EHHADH: variants seen among roughly 807,000 people sequenced by gnomAD.
EHHADH encodes peroxisomal bifunctional enzyme.
EHHADH carries 48 observed loss-of-function variants against 64.4 expected under a neutral mutation model. The ratio of observed to expected loss-of-function variants is 0.75; its 90% CI spans 0.59 to 0.95. The LOEUF is 0.95. EHHADH is among the 40% of genes least tolerant of loss of function. EHHADH has a pLI of 0.00. For synonymous variants in EHHADH, 308 were observed against 326.7 expected (o/e 0.94, Z 0.62); for missense variants, 854 against 876.6 (o/e 0.97, Z 0.33).
At chr3:185,217,018 G>A (rs1577362941) in intron 5 of EHHADH, among the ~76,000 whole-genome samples, 1 of 54,452 alleles carries the variant, frequency 1.8e-5, no homozygotes, top group Admixed American at 1.8e-4. Context: ...CTCAGTTTGC[G>A]GAGACAGAAG....
In EHHADH at chr3:185,235,309, T is replaced by C; in HGVS notation, c.332A>G (p.Tyr111Cys). 6.2e-7 allele frequency: 1 copy of C among 1,613,178 alleles called. No individual in the cohort carries two copies. Among genetic ancestry groups the C allele is most frequent in the East Asian group, 2.2e-5 (1 of 44,834 alleles). The change falls in exon 3 of 7, where the codon TAT (tyrosine) becomes TGT (cysteine). Residue 111 changes from tyrosine (Y) to cysteine (C), a missense_variant. By Grantham distance (194) the Tyr-to-Cys change is radical. Transcript: ENST00000231887. ...TGTTACCTCTGCGTGGGCAATCCTA[T>C]AGTGACAGCCCAGGGCCAGCTCTAG... ...GGLELALGCH[Y>C]RIAHAEAQVG... is the part of the protein sequence containing the mutation.
At chr3:185,246,185 T>C in intron 2 of EHHADH, 2 of 998,950 alleles carry the variant, frequency 2.0e-6, no homozygotes, top group Non-Finnish European at 3.1e-6. Flanking sequence ...ATATCAAATA[T>C]CTTTTTTGTT....
In EHHADH at chr3:185,192,260, T is replaced by G; in HGVS notation, c.2138A>C (p.Gln713Pro). 12 of 1,613,976 alleles carry G rather than the reference T, an allele frequency of 7.4e-6. No individual in the cohort carries two copies. Among genetic ancestry groups the G allele is most frequent in the Non-Finnish European group, 9.3e-6 (11 of 1,179,980 alleles). The change falls in exon 7 of 7, where the codon CAA becomes CCA. Residue 713 changes from glutamine to proline, a missense_variant. Coordinates refer to ENST00000231887, the MANE Select transcript of EHHADH (RefSeq NM_001966.4). ...SQGNPPLKEW[Q>P]SLAGSPSSKL ...ACTGCTAGGGGAGCCTGCCAAGCTT[T>G]GCCATTCTTTCAGGGGAGGGTTTCC...
intron 2 of EHHADH, among the ~76,000 whole-genome samples, chr3:185,236,363 GC>G (rs1438386258): frequency 8.4e-6 from 1 of 119,688 alleles, no homozygotes; most frequent in Non-Finnish European, 1.9e-5. Flanking sequence ...AACAATCCCT[GC>G]CCCCCCACCC....
At chr3:185,242,366 A>T (rs1399173436) in intron 2 of EHHADH, among the ~76,000 whole-genome samples, 2 of 152,308 alleles carry the variant, frequency 1.3e-5, no homozygotes, top group East Asian at 1.9e-4. Flanking sequence ...CCAAAGCAAG[A>T]CTAAGCAAAA....
chr3:185,239,666 TA>T (rs552889799), intron 2 of EHHADH, among the ~76,000 whole-genome samples: 7 of 152,146 alleles, frequency 4.6e-5, no homozygotes, highest in South Asian at 2.1e-4. Context: ...TTATCAAGTG[TA>T]AGAGTCTTTT....
At chr3:185,227,073 T>G (rs1718998023) in intron 4 of EHHADH, among the ~76,000 whole-genome samples, 1 of 152,250 alleles carries the variant, frequency 6.6e-6, no homozygotes, top group Non-Finnish European at 1.5e-5. Flanking sequence ...GCACAAGGCA[T>G]ATTATTTATA....
chr3:185,201,269 G>T (rs922837361), intron 6 of EHHADH, among the ~76,000 whole-genome samples: 1 of 152,186 alleles, frequency 6.6e-6, no homozygotes, highest in Non-Finnish European at 1.5e-5. Context: ...TAGAGACGAT[G>T]AGGACAACCA....
chr3:185,215,001 A>G (rs1215516981), intron 5 of EHHADH, among the ~76,000 whole-genome samples: 1 of 152,144 alleles, frequency 6.6e-6, no homozygotes, highest in East Asian at 1.9e-4. Flanking sequence ...TGCCTTCTAG[A>G]CAGGATGTAT....
chr3:185,207,559 C>T (rs1317440901), intron 5 of EHHADH, among the ~76,000 whole-genome samples: 4 of 152,136 alleles, frequency 2.6e-5, no homozygotes, highest in Non-Finnish European at 5.9e-5. Context: ...TTTACAAGGT[C>T]GCAAGTTTGC....
chr3:185,241,365 A>C (rs150927840), intron 2 of EHHADH, among the ~76,000 whole-genome samples: 1,589 of 152,328 alleles, frequency 0.01, 8 homozygotes, highest in Non-Finnish European at 0.016. Context: ...TAGCTCTTTA[A>C]GGAATCTCCA....
At chr3:185,212,937 T>G (rs1226621619) in intron 5 of EHHADH, among the ~76,000 whole-genome samples, 1 of 151,628 alleles carries the variant, frequency 6.6e-6, no homozygotes, top group Non-Finnish European at 1.5e-5. Context: ...CTGGTCAACA[T>G]GGTGAAACCC....
In EHHADH at chr3:185,235,172, T is replaced by G. The variant is rs964556483; in HGVS notation, c.351+118A>C. 2.2e-5 allele frequency: 22 copies of G among 1,011,816 alleles called. No homozygotes were observed. In the South Asian group the frequency reaches 3.4e-4, roughly 16 times the overall value. The allele number at this position is 1,011,816 out of a possible 1,614,324, so 62.7% of individuals were successfully genotyped here. Reference sequence around the variant, plus strand: ...TCCAGCCTGGAAGACAGAGTGAGACTCCATCTCAAAAAAACAAATAAATAA... The same window carrying G: ...TCCAGCCTGGAAGACAGAGTGAGACGCCATCTCAAAAAAACAAATAAATAA... On this transcript the variant is annotated intron_variant, in intron 3 of 6. Transcript: ENST00000231887.
intron 1 of EHHADH, among the ~76,000 whole-genome samples, chr3:185,251,608 A>ATGTGTGTG (rs3072431): frequency 1.2e-4 from 18 of 149,310 alleles, no homozygotes; most frequent in African/African-American, 3.9e-4. Flanking sequence ...AAAAATTTAT[A>ATGTGTGTG]TGTGTGTGTG....
chr3:185,214,952 G>A (rs1718642839), intron 5 of EHHADH, among the ~76,000 whole-genome samples: 1 of 152,084 alleles, frequency 6.6e-6, no homozygotes, highest in African/African-American at 2.4e-5. Flanking sequence ...AAGTGAAAAG[G>A]TATGAGTAAT....
chr3:185,246,447 C>T lies in EHHADH; in HGVS notation c.178+1967G>A, dbSNP rs142041686. ...ATCATCTCATCTCCAGATATGGATG[C>T]GATTCCAGTGGGCTCCGCATGGATG... On this transcript the variant is annotated intron_variant, in intron 2 of 6. Coordinates refer to ENST00000231887, the MANE Select transcript of EHHADH (RefSeq NM_001966.4). 590 of 462,870 alleles carry T rather than the reference C, an allele frequency of 1.3e-3. 6 individuals carry two copies. Among genetic ancestry groups the T allele is most frequent in the African/African-American group, 0.011 (523 of 48,794 alleles). 28.7% of individuals were successfully genotyped at this position (462,870 alleles called of 1,614,324 possible). A position where few individuals can be genotyped will look rare whatever the true frequency, so the allele number is the denominator to read the frequency against.
chr3:185,200,111 T>C (rs145915389), intron 6 of EHHADH, among the ~76,000 whole-genome samples: 20 of 152,324 alleles, frequency 1.3e-4, no homozygotes, highest in Admixed American at 2.6e-4. Context: ...AAACACTTAT[T>C]GTGTTAAGCT....
chr3:185,199,548 G>A (rs150815538), intron 6 of EHHADH, among the ~76,000 whole-genome samples: 1 of 152,208 alleles, frequency 6.6e-6, no homozygotes, highest in African/African-American at 2.4e-5. Flanking sequence ...GCCAAACCCC[G>A]CCCACTGCCG....
At chr3:185,203,650 T>C (rs1183402665) in intron 6 of EHHADH, among the ~76,000 whole-genome samples, 3 of 152,064 alleles carry the variant, frequency 2.0e-5, no homozygotes, top group Admixed American at 6.5e-5. Flanking sequence ...GAAGCCATGG[T>C]TTCAGGGTTA....
Sources: allele counts gnomAD v4.1 joint callset (sites outside exome capture counted in the v4.1 genomes callset), GRCh38; gene constraint gnomAD v4.1.1; transcripts MANE v1.5; gene names NCBI Gene and HGNC (gene_info 2026-07-23, HGNC 2026-07-21).